ITSN1: variants seen among roughly 807,000 people sequenced by gnomAD.
The protein encoded by ITSN1 is intersectin 1.
In ITSN1, 58 loss-of-function variants were observed where a neutral mutation model predicts 239.8. The observed-to-expected ratio is 0.24, with a 90% confidence interval of 0.20 to 0.30. The LOEUF is 0.30. Among genes scored for constraint, ITSN1 ranks in the 10% least tolerant of loss-of-function variants. The pLI, the probability that ITSN1 is intolerant of heterozygous loss-of-function variation, is 1.00. For missense variants in ITSN1, 1,558 were observed against 2,103.3 expected (o/e 0.74, Z 5.07); for synonymous variants, 780 against 770.8 (o/e 1.01, Z -0.20).
intron 1 of ITSN1, among the ~76,000 whole-genome samples, chr21:33,697,144 G>T (rs1016701972): frequency 6.7e-6 from 1 of 150,126 alleles, no homozygotes; most frequent in African/African-American, 2.5e-5. Context: ...GTGCAGAGGC[G>T]TGATCTCGGC....
chr21:33,848,445 G>T (rs1258660695), intron 29 of ITSN1, among the ~76,000 whole-genome samples: 2 of 152,192 alleles, frequency 1.3e-5, no homozygotes, highest in African/African-American at 4.8e-5. Context: ...AAGCGGCTGG[G>T]TCTGTGGCCT....
intron 1 of ITSN1, among the ~76,000 whole-genome samples, chr21:33,706,493 C>T (rs528345047): frequency 2.0e-5 from 3 of 148,046 alleles, no homozygotes; most frequent in African/African-American, 7.5e-5. Context: ...AAAAAAAAAA[C>T]ACTGGATATA....
intron 17 of ITSN1, among the ~76,000 whole-genome samples, chr21:33,795,746 C>T (rs975101625): frequency 6.6e-6 from 1 of 151,968 alleles, no homozygotes; most frequent in Non-Finnish European, 1.5e-5. Flanking sequence ...CTATACCACA[C>T]TGAACTGTTA....
At chr21:33,742,142 C>A (rs530419918) in intron 5 of ITSN1, among the ~76,000 whole-genome samples, 1 of 151,312 alleles carries the variant, frequency 6.6e-6, no homozygotes, top group Non-Finnish European at 1.5e-5. Context: ...CTGCAACCTC[C>A]GCTTCCTGGG....
chr21:33,867,569 G>A (rs1981831900), intron 33 of ITSN1, among the ~76,000 whole-genome samples: 1 of 151,712 alleles, frequency 6.6e-6, no homozygotes. Context: ...GGGAGGCCGA[G>A]GTGGGCAGAT....
chr21:33,681,175 A>G (rs2090927239), intron 1 of ITSN1, among the ~76,000 whole-genome samples: 1 of 152,160 alleles, frequency 6.6e-6, no homozygotes, highest in African/African-American at 2.4e-5. Context: ...AAGGGCAGCA[A>G]ATATTTGGAT....
rs898552321 is a variant in ITSN1, at chr21:33,865,900, G to C, written c.4074+566G>C. On this transcript the variant is annotated intron_variant, in intron 32 of 39. Coordinates refer to ENST00000381318, the MANE Select transcript of ITSN1 (RefSeq NM_003024.3). The surrounding 1 kb of genome is among the most constrained non-coding windows in gnomAD (Gnocchi z 4.4). Reference sequence around the variant, plus strand: ...CAGGGGATGTTTGGGGAGGTAATGCGGATACTGCTGGAAGACCTGCAGCTC... The same window carrying C: ...CAGGGGATGTTTGGGGAGGTAATGCCGATACTGCTGGAAGACCTGCAGCTC... 6.6e-6 allele frequency among the ~76,000 whole-genome samples: 1 copy of C among 152,200 alleles called. No homozygotes were observed. Among genetic ancestry groups the C allele is most frequent in the Non-Finnish European group, 1.5e-5 (1 of 68,032 alleles).
chr21:33,786,319 C>T (rs1485745596), intron 16 of ITSN1, among the ~76,000 whole-genome samples: 5 of 152,184 alleles, frequency 3.3e-5, no homozygotes, highest in African/African-American at 1.2e-4. Context: ...GTAGTCTTCT[C>T]AGATCCACGT....
At chr21:33,820,461 T>C (rs9979906) in intron 24 of ITSN1, among the ~76,000 whole-genome samples, 16,873 of 152,238 alleles carry the variant, frequency 0.11, 1,216 homozygotes, top group East Asian at 0.29. Flanking sequence ...ATAGAATGTT[T>C]TATTTAGTTT....
At chr21:33,866,846 A>T (rs908375220) in intron 32 of ITSN1, among the ~76,000 whole-genome samples, 2 of 151,996 alleles carry the variant, frequency 1.3e-5, no homozygotes, top group East Asian at 3.9e-4. Context: ...TGTAAGGGGA[A>T]TTTTTCCTCT....
rs186149809 is a variant in ITSN1 at position 33,729,590 on chromosome 21, C to T, written c.186-5454C>T. ...TGCCGGGAGGAAATAAGCACAGAAT[C>T]ACAGAAACTGTGCTTTTCTCCAACG... On this transcript the variant is annotated intron_variant, in intron 4 of 39. Transcript: ENST00000381318. Among the ~76,000 whole-genome samples, 376 of 152,198 alleles carry T rather than the reference C, an allele frequency of 2.5e-3. 2 individuals are homozygous for T. The highest frequency in any genetic ancestry group is 8.8e-3 in the African/African-American group (365 of 41,504).
intron 1 of ITSN1, among the ~76,000 whole-genome samples, chr21:33,706,902 T>A (rs1322792170): frequency 2.0e-5 from 3 of 152,138 alleles, no homozygotes; most frequent in Non-Finnish European, 4.4e-5. Context: ...TTTGTATTTT[T>A]AGTAGAGATG....
intron 29 of ITSN1, among the ~76,000 whole-genome samples, chr21:33,844,456 G>C (rs2284569): frequency 0.08 from 12,237 of 152,168 alleles, 766 homozygotes; most frequent in East Asian, 0.35. Context: ...GCATTCTGTG[G>C]CCTTGTGTTC....
At chr21:33,722,715 C>G (rs1284273477) in intron 4 of ITSN1, 64 bp downstream of exon 4, 19 of 1,436,402 alleles carry the variant, frequency 1.3e-5, no homozygotes, top group Non-Finnish European at 1.8e-5. Context: ...TCGTTTTGTT[C>G]TATTTGGTAA....
Position 33,888,539 on chromosome 21 carries a change from T to C in ITSN1, c.*239T>C, listed in dbSNP as rs1395064691. On this transcript the variant is annotated 3_prime_UTR_variant, in exon 40 of 40. Coordinates refer to ENST00000381318, the MANE Select transcript of ITSN1 (RefSeq NM_003024.3). ...TCCTTTGTCCTCACTACAGGTCTCA[T>C]TATGGCTTCTAGGGTCGCTGAAATC... 1 of 450,014 alleles carries C rather than the reference T, an allele frequency of 2.2e-6. No homozygotes were observed. The highest frequency in any genetic ancestry group is 2.0e-5 in the African/African-American group (1 of 50,318). The allele number at this position is 450,014 out of a possible 1,614,324, so 27.9% of individuals were successfully genotyped here. A position where few individuals can be genotyped will look rare whatever the true frequency, so the allele number is the denominator to read the frequency against.
intron 1 of ITSN1, among the ~76,000 whole-genome samples, chr21:33,644,772 A>T (rs928484054): frequency 3.9e-5 from 6 of 152,004 alleles, no homozygotes; most frequent in Non-Finnish European, 7.4e-5. Context: ...AGACTGGGAC[A>T]AACTATCAAG....
chr21:33,757,373 A>G (rs952078011), intron 8 of ITSN1, among the ~76,000 whole-genome samples: 8 of 152,194 alleles, frequency 5.3e-5, no homozygotes, highest in Non-Finnish European at 1.0e-4. Flanking sequence ...AATTTGAAAT[A>G]TACTGGAAAG....
intron 39 of ITSN1, 34 bp from the exon 40 acceptor site, chr21:33,888,118 C>A: frequency 7.5e-7 from 1 of 1,334,480 alleles, no homozygotes; most frequent in Non-Finnish European, 1.0e-6. Flanking sequence ...AGGGAATGGT[C>A]CCTCTTAGGA....
At chr21:33,727,591 A>G (rs1487876146) in intron 4 of ITSN1, among the ~76,000 whole-genome samples, 1 of 145,358 alleles carries the variant, frequency 6.9e-6, no homozygotes, top group South Asian at 2.2e-4. Flanking sequence ...AACAAGATCA[A>G]TTTGCTAAAC....
Sources: allele counts gnomAD v4.1 joint callset (sites outside exome capture counted in the v4.1 genomes callset), GRCh38; gene constraint gnomAD v4.1.1; non-coding constraint Gnocchi (gnomAD v3.1); transcripts MANE v1.5; gene names NCBI Gene and HGNC (gene_info 2026-07-23, HGNC 2026-07-21).